Variants in USP3 observed in about 807,000 individuals in gnomAD.
The protein encoded by USP3 is ubiquitin specific peptidase 3.
A neutral mutation model predicts 72.3 loss-of-function variants in USP3; 20 were observed. That is an observed-to-expected ratio of 0.28 (90% confidence interval 0.19 to 0.40). The LOEUF is 0.40. Among genes scored for constraint, USP3 ranks in the 10% least tolerant of loss-of-function variants. USP3 has a pLI of 1.00. For synonymous variants in USP3, 222 were observed against 225.3 expected (o/e 0.99, Z 0.13); for missense variants, 479 against 633.9 (o/e 0.76, Z 2.62).
chr15:63,588,650 C>T lies in USP3; in HGVS notation c.1216-52C>T. ...AACTGATAGTAGTATCAAACTTTGA[C>T]TGAAAGGTAAATTAGGTGTTCACAA... On this transcript the variant is annotated intron_variant, in intron 12 of 14. Coordinates refer to ENST00000380324, the MANE Select transcript of USP3 (RefSeq NM_006537.4). The surrounding 1 kb of genome is among the most constrained non-coding windows in gnomAD (Gnocchi z 4.6). 7.2e-7 allele frequency: 1 copy of T among 1,384,374 alleles called. No individual in the cohort carries two copies. Among genetic ancestry groups the T allele is most frequent in the African/African-American group, 1.4e-5 (1 of 69,786 alleles). 85.8% of individuals were successfully genotyped at this position (1,384,374 alleles called of 1,614,324 possible). A position where few individuals can be genotyped will look rare whatever the true frequency, so the allele number is the denominator to read the frequency against.
rs550003569 is a variant in USP3, at chr15:63,524,439, A to G, written c.92-8208A>G. 5.3e-4 allele frequency among the ~76,000 whole-genome samples: 80 copies of G among 152,330 alleles called. 1 individual carries two copies. Among genetic ancestry groups the G allele is most frequent in the Middle Eastern group, 6.8e-3 (2 of 294 alleles). ...TGGTCTGGTTATCTGTTGCTGCATG[A>G]CAAACAGCCATACATCCTAGAAGCC... is the stretch of plus-strand genomic sequence containing the variant. On this transcript the variant is annotated intron_variant, in intron 1 of 14. Coordinates refer to ENST00000380324, the MANE Select transcript of USP3 (RefSeq NM_006537.4).
At chr15:63,545,983 A>AC (rs1274397102) in intron 3 of USP3, among the ~76,000 whole-genome samples, 6 of 151,144 alleles carry the variant, frequency 4.0e-5, no homozygotes, top group Non-Finnish European at 7.4e-5. Context: ...AAAAAAAAAA[A>AC]AAAAAAAAAA....
intron 1 of USP3, among the ~76,000 whole-genome samples, chr15:63,509,680 G>A (rs755119046): frequency 6.6e-6 from 1 of 152,110 alleles, no homozygotes; most frequent in Non-Finnish European, 1.5e-5. Context: ...TAAGTCAAAT[G>A]TCTTTCTAGT....
Position 63,529,343 on chromosome 15 carries a change from C to A in USP3, c.92-3304C>A, listed in dbSNP as rs989762194. Among the ~76,000 whole-genome samples the A allele has an allele frequency of 1.3e-5, 2 of 152,030 alleles. No individual in the cohort carries two copies. Among genetic ancestry groups the A allele is most frequent in the African/African-American group, 4.8e-5 (2 of 41,394 alleles). ...CACAATTCACATAACATAAAGTTAA[C>A]CATCTTAAAGTGAACAATTCAGTGG... On this transcript the variant is annotated intron_variant, in intron 1 of 14. Transcript: ENST00000380324. This position sits in a 1 kb window ranked among gnomAD's most constrained non-coding sequence, Gnocchi z 4.2.
intron 1 of USP3, among the ~76,000 whole-genome samples, chr15:63,513,032 A>G (rs1365182279): frequency 6.6e-6 from 1 of 152,150 alleles, no homozygotes; most frequent in African/African-American, 2.4e-5. Flanking sequence ...AACCAACTAG[A>G]TTTTATTTGG....
At chr15:63,522,758 A>G (rs1383678377) in intron 1 of USP3, among the ~76,000 whole-genome samples, 1 of 152,248 alleles carries the variant, frequency 6.6e-6, no homozygotes. Context: ...AACAGTTCAC[A>G]TTAAAGAACT....
At chr15:63,523,341 C>G (rs1365646755) in intron 1 of USP3, among the ~76,000 whole-genome samples, 1 of 152,096 alleles carries the variant, frequency 6.6e-6, no homozygotes, top group African/African-American at 2.4e-5. Flanking sequence ...AGGAGGCAGG[C>G]TCTGGAACGA....
At chr15:63,524,225 T>G (rs1427181354) in intron 1 of USP3, among the ~76,000 whole-genome samples, 1 of 152,244 alleles carries the variant, frequency 6.6e-6, no homozygotes, top group Admixed American at 6.5e-5. Flanking sequence ...ATCAAGTCTT[T>G]ACTCTCACTA....
chr15:63,536,108 T>C (rs915787841), intron 2 of USP3, among the ~76,000 whole-genome samples: 1 of 152,208 alleles, frequency 6.6e-6, no homozygotes, highest in African/African-American at 2.4e-5. Flanking sequence ...TAAATCTGAG[T>C]TGGAATGTGT....
intron 3 of USP3, among the ~76,000 whole-genome samples, chr15:63,540,560 G>A (rs1349729391): frequency 6.6e-6 from 1 of 152,126 alleles, no homozygotes; most frequent in East Asian, 1.9e-4. Flanking sequence ...AAAGAGCCAC[G>A]TAACATTTTT....
chr15:63,547,597 G>A (rs887650146), intron 3 of USP3, among the ~76,000 whole-genome samples: 23 of 152,028 alleles, frequency 1.5e-4, no homozygotes, highest in East Asian at 3.9e-4. Context: ...AGGCATGGTC[G>A]CTCATGCGTG....
In USP3 at chr15:63,593,682, C is replaced by CAT. The variant is rs2067244552; in HGVS notation, c.*2856_*2857insAT. 7 of 152,222 alleles carry CAT rather than the reference C, an allele frequency of 4.6e-5. No individual in the cohort carries two copies. Among genetic ancestry groups the CAT allele is most frequent in the Non-Finnish European group, 1.0e-4 (7 of 68,048 alleles). 9.4% of individuals were successfully genotyped at this position (152,222 alleles called of 1,614,324 possible). A position where few individuals can be genotyped will look rare whatever the true frequency, so the allele number is the denominator to read the frequency against. On this transcript the variant is annotated 3_prime_UTR_variant, in exon 15 of 15. Coordinates refer to ENST00000380324, the MANE Select transcript of USP3 (RefSeq NM_006537.4). ...TGATTGGATCCATCTCAATTGTGCA[C>CAT]TTGAACAGCAGTGATGTAAATGTGC...
In USP3 at chr15:63,593,811, G is replaced by A. The variant is rs1236407311; in HGVS notation, c.*2985G>A. 6.6e-6 allele frequency: 1 copy of A among 152,242 alleles called. No homozygotes were observed. The highest frequency in any genetic ancestry group is 2.4e-5 in the African/African-American group (1 of 41,456). 9.4% of individuals were successfully genotyped at this position (152,242 alleles called of 1,614,324 possible). On this transcript the variant is annotated 3_prime_UTR_variant, in exon 15 of 15. Transcript: ENST00000380324. Reference sequence around the variant, plus strand: ...TTTCCCTTGTGCCATGTTGTCTCCAGCAATATATGTGGCTTCTGGCTCAGA... The same window carrying A: ...TTTCCCTTGTGCCATGTTGTCTCCAACAATATATGTGGCTTCTGGCTCAGA...
In USP3 at chr15:63,570,073, G is replaced by C. The variant is rs2066755048; in HGVS notation, c.762-360G>C. 6.6e-6 allele frequency among the ~76,000 whole-genome samples: 1 copy of C among 152,148 alleles called. No individual in the cohort carries two copies. Among genetic ancestry groups the C allele is most frequent in the Non-Finnish European group, 1.5e-5 (1 of 68,028 alleles). On this transcript the variant is annotated intron_variant, in intron 8 of 14. Transcript: ENST00000380324. The surrounding 1 kb of genome is among the most constrained non-coding windows in gnomAD (Gnocchi z 4.4). ...GTTATGTGGGCAGGGAGAAGAGTCA[G>C]AGTCCACCAGGAAACAAAGGTGTAG...
intron 3 of USP3, among the ~76,000 whole-genome samples, chr15:63,545,970 CAAAAAAAAAAAA>C (rs60122671): frequency 1.5e-5 from 1 of 68,856 alleles, no homozygotes; most frequent in African/African-American, 5.9e-5. Flanking sequence ...GACCTTGTCT[CAAAAAAAAAAAA>C]AAAAAAAAAA....
At chr15:63,589,699 G>A (rs2067148517) in intron 14 of USP3, among the ~76,000 whole-genome samples, 1 of 152,056 alleles carries the variant, frequency 6.6e-6, no homozygotes, top group South Asian at 2.1e-4. Context: ...TATACTGTAG[G>A]TCTGAAATCA....
intron 1 of USP3, among the ~76,000 whole-genome samples, chr15:63,518,007 G>A (rs2065874516): frequency 6.6e-6 from 1 of 152,098 alleles, no homozygotes; most frequent in Non-Finnish European, 1.5e-5. Context: ...TGGGTCTTAG[G>A]TGGGAGAAGA....
intron 11 of USP3, among the ~76,000 whole-genome samples, chr15:63,577,000 C>T (rs1049661225): frequency 6.6e-6 from 1 of 152,134 alleles, no homozygotes; most frequent in Non-Finnish European, 1.5e-5. Flanking sequence ...TACTTGTGTA[C>T]TTTTTGGATT....
chr15:63,560,691 AG>A (rs558210446), intron 7 of USP3, among the ~76,000 whole-genome samples: 9 of 151,914 alleles, frequency 5.9e-5, no homozygotes, highest in Admixed American at 1.3e-4. Flanking sequence ...TGATACGGAG[AG>A]GGGGGGAAGA....
Sources: gnomAD v4.1 joint callset for allele counts (sites outside exome capture counted in the v4.1 genomes callset) on GRCh38, gnomAD v4.1.1 for gene constraint, Gnocchi (gnomAD v3.1) non-coding constraint, MANE v1.5 for transcripts, NCBI Gene and HGNC (gene_info 2026-07-23, HGNC 2026-07-21) for gene names.